The following CWC27 variants were observed in gnomAD, a reference collection of about 807,000 sequenced individuals.
CWC27 encodes the protein CWC27 spliceosome associated cyclophilin.
CWC27 carries 47 observed loss-of-function variants against 63.6 expected under a neutral mutation model. That is an observed-to-expected ratio of 0.74 (90% CI 0.58 to 0.94). The LOEUF (loss-of-function observed/expected upper bound fraction) is 0.94, where lower values mean the gene tolerates loss of function less well. CWC27 is among the 40% of genes least tolerant of loss of function. The pLI, the probability that CWC27 is intolerant of heterozygous loss-of-function variation, is 0.00. For synonymous variants in CWC27, 175 were observed against 179.8 expected (o/e 0.97, Z 0.22); for missense variants, 495 against 554.3 (o/e 0.89, Z 1.07).
At chr5:64,909,267 T>C (rs1329046876) in intron 11 of CWC27, among the ~76,000 whole-genome samples, 1 of 152,160 alleles carries the variant, frequency 6.6e-6, no homozygotes, top group Non-Finnish European at 1.5e-5. Flanking sequence ...AAACCTCTGC[T>C]GAGAGGTTTC....
At chr5:64,990,240 G>GTTTTTTT (rs1157360219) in intron 13 of CWC27, among the ~76,000 whole-genome samples, 1 of 77,582 alleles carries the variant, frequency 1.3e-5, no homozygotes, top group African/African-American at 5.1e-5. Context: ...GTTTTTATTT[G>GTTTTTTT]TTTTTTTTTT....
intron 7 of CWC27, among the ~76,000 whole-genome samples, chr5:64,791,662 G>C (rs1238679083): frequency 6.6e-6 from 1 of 152,028 alleles, no homozygotes; most frequent in Non-Finnish European, 1.5e-5. Context: ...TCAAATGCTT[G>C]TATCTGACTC....
intron 10 of CWC27, chr5:64,805,054 G>A (rs1347896166): frequency 6.6e-6 from 1 of 151,754 alleles, no homozygotes; most frequent in Non-Finnish European, 1.5e-5. Context: ...AAAAACAATA[G>A]TATTTGTTTT....
At chr5:64,878,812 G>A (rs771640931) in intron 10 of CWC27, among the ~76,000 whole-genome samples, 1 of 151,858 alleles carries the variant, frequency 6.6e-6, no homozygotes. Context: ...GAAATTTAGA[G>A]TAACTGTAGA....
chr5:64,959,412 G>A (rs1427779878), intron 11 of CWC27, among the ~76,000 whole-genome samples: 1 of 152,010 alleles, frequency 6.6e-6, no homozygotes, highest in South Asian at 2.1e-4. Context: ...TAATTTCCAC[G>A]ATGGATTTTC....
intron 11 of CWC27, among the ~76,000 whole-genome samples, chr5:64,927,456 A>G (rs1697722151): frequency 6.6e-6 from 1 of 152,132 alleles, no homozygotes; most frequent in Admixed American, 6.6e-5. Context: ...TGAAAAGGCC[A>G]TATAACATGA....
intron 11 of CWC27, among the ~76,000 whole-genome samples, chr5:64,911,212 T>A (rs145430189): frequency 1.4e-4 from 21 of 152,356 alleles, no homozygotes; most frequent in Admixed American, 1.0e-3. Context: ...ATCTCTCTCT[T>A]GTTCTTCAGT....
At chr5:64,881,551 T>A (rs1197863623) in intron 10 of CWC27, among the ~76,000 whole-genome samples, 1 of 152,166 alleles carries the variant, frequency 6.6e-6, no homozygotes, top group African/African-American at 2.4e-5. Context: ...AGCTACTGTT[T>A]GTTGAACATG....
chr5:64,787,228 GT>G (rs1743919925), intron 6 of CWC27, among the ~76,000 whole-genome samples: 1 of 28,240 alleles, frequency 3.5e-5, no homozygotes, highest in Non-Finnish European at 6.4e-5. Context: ...TAGTGGTTTT[GT>G]TTGTTTGTTT....
At chr5:64,960,247 C>T (rs1748882544) in intron 11 of CWC27, among the ~76,000 whole-genome samples, 2 of 151,174 alleles carry the variant, frequency 1.3e-5, no homozygotes, top group South Asian at 2.1e-4. Context: ...GAAGAAACAA[C>T]CAAACTGGTT....
At chr5:64,826,112 T>TATCC (rs1210475094) in intron 10 of CWC27, among the ~76,000 whole-genome samples, 11 of 151,572 alleles carry the variant, frequency 7.3e-5, no homozygotes, top group Non-Finnish European at 1.3e-4. Context: ...TCTATCTATC[T>TATCC]ATCCATCCAT....
intron 8 of CWC27, 22 bp downstream of exon 8, chr5:64,800,349 T>A (rs369819740): frequency 6.6e-7 from 1 of 1,519,728 alleles, no homozygotes; most frequent in Middle Eastern, 1.7e-4. Flanking sequence ...GTTGGTATGA[T>A]CCTAAGTTCT....
At chr5:64,785,101 T>C (rs981494718) in intron 4 of CWC27, among the ~76,000 whole-genome samples, 1 of 152,220 alleles carries the variant, frequency 6.6e-6, no homozygotes, top group Non-Finnish European at 1.5e-5. Context: ...GAGGATTAAA[T>C]GAGATAATGT....
At chr5:64,988,878 A>G (rs1037857832) in intron 13 of CWC27, among the ~76,000 whole-genome samples, 1 of 152,326 alleles carries the variant, frequency 6.6e-6, no homozygotes, top group African/African-American at 2.4e-5. Flanking sequence ...TGCTGAGATT[A>G]CAGGCATGAA....
intron 11 of CWC27, among the ~76,000 whole-genome samples, chr5:64,948,250 G>A (rs561527498): frequency 6.6e-6 from 1 of 152,064 alleles, no homozygotes; most frequent in South Asian, 2.1e-4. Flanking sequence ...TAATGGGATG[G>A]CATCGACTAG....
intron 10 of CWC27, among the ~76,000 whole-genome samples, chr5:64,860,833 G>A (rs1213039485): frequency 2.0e-5 from 3 of 152,036 alleles, no homozygotes; most frequent in African/African-American, 7.2e-5. Flanking sequence ...AGTGCTCTTG[G>A]TATGTTATCA....
intron 13 of CWC27, among the ~76,000 whole-genome samples, chr5:64,986,432 T>C (rs1037716772): frequency 6.6e-6 from 1 of 152,218 alleles, no homozygotes; most frequent in Non-Finnish European, 1.5e-5. Flanking sequence ...GAATTTGATT[T>C]TCTGATATTT....
At chr5:64,802,620 A>T (rs1744526627) in intron 9 of CWC27, among the ~76,000 whole-genome samples, 1 of 152,068 alleles carries the variant, frequency 6.6e-6, no homozygotes, top group Non-Finnish European at 1.5e-5. Context: ...GATTTGAAAG[A>T]GGTCTAGGAG....
At chr5:64,914,893 G>A (rs888274044) in intron 11 of CWC27, among the ~76,000 whole-genome samples, 1 of 152,088 alleles carries the variant, frequency 6.6e-6, no homozygotes, top group Non-Finnish European at 1.5e-5. Flanking sequence ...TATTCATCCA[G>A]TGGGATACTA....
Sources: allele counts gnomAD v4.1 joint callset (sites outside exome capture counted in the v4.1 genomes callset), GRCh38; gene constraint gnomAD v4.1.1; transcripts MANE v1.5; gene names NCBI Gene and HGNC (gene_info 2026-07-23, HGNC 2026-07-21).